CTNNA3: variants seen among roughly 807,000 people sequenced by gnomAD.
CTNNA3 encodes the protein catenin alpha 3.
CTNNA3 carries 76 observed loss-of-function variants against 95.7 expected under a neutral mutation model. The observed-to-expected ratio is 0.79, with a 90% CI of 0.66 to 0.96. The LOEUF is 0.96. Among genes scored for constraint, CTNNA3 ranks in the 40% least tolerant of loss-of-function variants. The pLI is 0.00. For missense variants in CTNNA3, 1,191 were observed against 1,089.8 expected, an observed-to-expected ratio of 1.09 and a Z score of -1.31; for synonymous variants, 431 against 374.4, an observed-to-expected ratio of 1.15 and a Z score of -1.74.
At chr10:66,058,634 A>G (rs911670109) in intron 15 of CTNNA3, among the ~76,000 whole-genome samples, 4 of 152,100 alleles carry the variant, frequency 2.6e-5, no homozygotes, top group African/African-American at 9.7e-5. Flanking sequence ...AACAAACCCT[A>G]TTTGATCCAC....
At chr10:67,244,569 G>A (rs1314528778) in intron 5 of CTNNA3, among the ~76,000 whole-genome samples, 1 of 152,118 alleles carries the variant, frequency 6.6e-6, no homozygotes, top group African/African-American at 2.4e-5. Flanking sequence ...GAAATACCAA[G>A]TAAAATCAAG....
At chr10:66,149,055 T>C (rs1039957787) in intron 13 of CTNNA3, among the ~76,000 whole-genome samples, 4 of 150,864 alleles carry the variant, frequency 2.7e-5, no homozygotes, top group African/African-American at 9.7e-5. Context: ...TTAACAATAC[T>C]TGTTATAGTT....
intron 7 of CTNNA3, among the ~76,000 whole-genome samples, chr10:66,943,682 TAC>T (rs1394736189): frequency 1.3e-5 from 2 of 152,174 alleles, no homozygotes; most frequent in Non-Finnish European, 2.9e-5. Context: ...TGTACTTTTG[TAC>T]AGCAGGGGAA....
intron 5 of CTNNA3, among the ~76,000 whole-genome samples, chr10:67,437,617 A>C (rs1184223971): frequency 6.6e-6 from 1 of 152,094 alleles, no homozygotes; most frequent in African/African-American, 2.4e-5. Context: ...GTTGTAATAT[A>C]AATTAGTAAA....
intron 7 of CTNNA3, among the ~76,000 whole-genome samples, chr10:66,899,220 C>A (rs368513772): frequency 2.6e-5 from 4 of 152,116 alleles, no homozygotes; most frequent in African/African-American, 9.7e-5. Context: ...CAAATGTCAG[C>A]AAAGATATGG....
intron 4 of CTNNA3, among the ~76,000 whole-genome samples, chr10:67,530,171 A>G (rs986694527): frequency 2.0e-5 from 3 of 152,210 alleles, no homozygotes; most frequent in Admixed American, 1.3e-4. Context: ...AGACTAATAC[A>G]GTAAATTGGT....
At chr10:67,548,605 G>A (rs1009274157) in intron 3 of CTNNA3, among the ~76,000 whole-genome samples, 4 of 152,032 alleles carry the variant, frequency 2.6e-5, no homozygotes, top group African/African-American at 4.8e-5. Context: ...AAACCTTTAC[G>A]TTTATGGTAG....
At chr10:67,750,935 G>T in intron 1 of CTNNA3, 2 of 1,609,356 alleles carry the variant, frequency 1.2e-6, no homozygotes, top group Admixed American at 1.7e-5. Context: ...TCTCCGGATA[G>T]ACTTTGGGCC....
rs199892450 is a variant in CTNNA3, at chr10:65,986,852, TA to T, written c.2265+1839del. Among the ~76,000 whole-genome samples the T allele has an allele frequency of 1.2e-3, 177 of 144,268 alleles. 2 individuals carry two copies. The East Asian group carries it at 0.017, about 14-fold the overall frequency. 94.6% of individuals were successfully genotyped at this position (144,268 alleles called of 152,430 possible). ...AACTAAAACTGCATGGTACTGGCAT[TA>T]AAAAAAAAAACCACATAGACCACTG... On this transcript the variant is annotated intron_variant, in intron 16 of 17. Coordinates refer to ENST00000433211, the MANE Select transcript of CTNNA3 (RefSeq NM_013266.4).
chr10:67,417,532 T>A (rs1162703072), intron 5 of CTNNA3, among the ~76,000 whole-genome samples: 2 of 152,180 alleles, frequency 1.3e-5, no homozygotes, highest in African/African-American at 4.8e-5. Context: ...AGAGTGGATC[T>A]ACCCTAAAAG....
intron 7 of CTNNA3, among the ~76,000 whole-genome samples, chr10:66,785,355 G>A (rs372162657): frequency 3.3e-5 from 5 of 152,134 alleles, no homozygotes; most frequent in African/African-American, 9.7e-5. Context: ...AATAAAATTC[G>A]CATCTGGATA....
chr10:66,018,126 A>G (rs1326963240), intron 15 of CTNNA3, among the ~76,000 whole-genome samples: 2 of 151,768 alleles, frequency 1.3e-5, no homozygotes, highest in Non-Finnish European at 2.9e-5. Context: ...CAAAAGATAT[A>G]CATACCCATA....
At position 67,539,526 on chromosome 10, in the gene CTNNA3, A is replaced by C; in HGVS notation, c.436T>G (p.Cys146Gly). The C allele has an allele frequency of 6.2e-7, 1 of 1,613,628 alleles. No homozygotes were observed. Among genetic ancestry groups the C allele is most frequent in the African/African-American group, 1.3e-5 (1 of 75,032 alleles). Residue 146 changes from cysteine (C) to glycine (G), a missense_variant, in exon 4 of 18, where the codon TGC (cysteine) becomes GGC (glycine). Cys to Gly is a radical substitution (Grantham distance 159). Transcript: ENST00000433211. Reference sequence around the variant, plus strand: ...ACAGCTGACACATGTTGCAAGAGGCACATGACATCAATCATGTCCGCAAGG... The same window carrying C: ...ACAGCTGACACATGTTGCAAGAGGCCCATGACATCAATCATGTCCGCAAGG... ...LILADMIDVM[C>G]LLQHVSAFQR... is the part of the protein sequence containing the mutation.
chr10:66,512,358 G>T (rs1355079844), intron 11 of CTNNA3, among the ~76,000 whole-genome samples: 1 of 151,978 alleles, frequency 6.6e-6, no homozygotes, highest in East Asian at 1.9e-4. Context: ...AATTTAAACG[G>T]TTTACATTTA....
At chr10:67,271,983 A>G (rs1042686589) in intron 5 of CTNNA3, among the ~76,000 whole-genome samples, 3 of 152,206 alleles carry the variant, frequency 2.0e-5, no homozygotes, top group Admixed American at 2.0e-4. Flanking sequence ...GAGGGCTACT[A>G]GTAAATATAC....
In CTNNA3 at chr10:65,920,301, A is replaced by G. The variant is rs536070806; in HGVS notation, c.*29T>C. 7.0e-6 allele frequency: 11 copies of G among 1,579,050 alleles called. No individual in the cohort carries two copies. In the Admixed American group the frequency reaches 1.2e-4, roughly 18 times the overall value. On this transcript the variant is annotated 3_prime_UTR_variant, in exon 18 of 18. Coordinates refer to ENST00000433211, the MANE Select transcript of CTNNA3 (RefSeq NM_013266.4). The stretch of plus-strand genomic sequence containing the variant: ...CAGTGTGGTTAGGCAGGATTTTGTC[A>G]TATAGGCACTATATGTAGAATAGTG...
At position 66,112,246 on chromosome 10, in the gene CTNNA3, G is replaced by A. The variant is rs555355572; in HGVS notation, c.1885-8997C>T. 2.9e-4 allele frequency among the ~76,000 whole-genome samples: 44 copies of A among 152,172 alleles called. No individual in the cohort carries two copies. In the South Asian group the frequency reaches 7.7e-3, roughly 27 times the overall value. On this transcript the variant is annotated intron_variant, in intron 13 of 17. Coordinates refer to ENST00000433211, the MANE Select transcript of CTNNA3 (RefSeq NM_013266.4). ...CAGTTTTATAACCCAAGTGTCTAAC[G>A]GTGCCTGGCACACAGTCAGTACTCA...
chr10:67,629,450 G>C (rs1304662779), intron 2 of CTNNA3, among the ~76,000 whole-genome samples: 2 of 152,170 alleles, frequency 1.3e-5, no homozygotes, highest in Non-Finnish European at 2.9e-5. Flanking sequence ...CGGCAGATAC[G>C]CTGGTTTGGG....
At chr10:67,364,627 T>A (rs1449732651) in intron 5 of CTNNA3, among the ~76,000 whole-genome samples, 6 of 152,172 alleles carry the variant, frequency 3.9e-5, no homozygotes, top group Admixed American at 3.9e-4. Flanking sequence ...CCATTCACAA[T>A]TACTACAAAG....
Sources: gnomAD v4.1 joint callset for allele counts (sites outside exome capture counted in the v4.1 genomes callset) on GRCh38, gnomAD v4.1.1 for gene constraint, MANE v1.5 for transcripts, NCBI Gene and HGNC (gene_info 2026-07-23, HGNC 2026-07-21) for gene names.